The following CELF1 variants were observed in gnomAD, a reference collection of about 807,000 sequenced individuals.
CELF1 encodes the protein 50 kDa nuclear polyadenylated RNA-binding protein.
CELF1 carries 10 observed loss-of-function variants against 61.8 expected under a neutral mutation model. The ratio of observed to expected loss-of-function variants is 0.16; its 90% CI spans 0.10 to 0.27. The LOEUF is 0.27. CELF1 is among the 10% of genes least tolerant of loss of function. The probability of loss-of-function intolerance (pLI) is 1.00; values close to 1 mark genes in which losing one functional copy is unlikely to be tolerated. For missense variants in CELF1, 380 were observed against 639.1 expected (o/e 0.59, Z 4.37); for synonymous variants, 236 against 225.1 (o/e 1.05, Z -0.43).
At chr11:47,552,658 G>C (rs925033922) in intron 1 of CELF1, among the ~76,000 whole-genome samples, 4 of 152,346 alleles carry the variant, frequency 2.6e-5, no homozygotes, top group Admixed American at 1.3e-4. Context: ...CGAGGAAAAC[G>C]GAGCTGGCCC....
chr11:47,485,969 GGC>G (rs1462967006), intron 6 of CELF1, among the ~76,000 whole-genome samples: 6 of 148,310 alleles, frequency 4.0e-5, no homozygotes, highest in Non-Finnish European at 6.0e-5. Flanking sequence ...AGACCATCCT[GGC>G]TAACACAGTG....
chr11:47,540,285 T>G (rs7940413), intron 1 of CELF1, among the ~76,000 whole-genome samples: 151,570 of 152,318 alleles, frequency 1, 75,419 homozygotes, highest in Middle Eastern at 1. Context: ...ATCATGAGCA[T>G]GGAGGGGCTG....
rs1337098295 is a variant in CELF1, at chr11:47,473,169, G to A, written c.1336C>T (p.Leu446=). ...LPQEFGDQDL[L]QMFMPFGNVV... is the part of the protein sequence containing the mutation. ...TTCCCAAAGGGCATAAACATCTGCA[G>A]CAGGTCCTGATCACCAAACTCCTGG... The change falls in exon 14 of 15, where the codon CTG becomes TTG. Residue 446 remains leucine (L), a synonymous_variant. Coordinates refer to ENST00000687097, the MANE Select transcript of CELF1 (RefSeq NM_001376376.1). 1 of 1,614,178 alleles carries A rather than the reference G, an allele frequency of 6.2e-7. No individual in the cohort carries two copies. Among genetic ancestry groups the A allele is most frequent in the South Asian group, 1.1e-5 (1 of 91,090 alleles).
intron 1 of CELF1, among the ~76,000 whole-genome samples, chr11:47,511,178 C>T (rs2095126168): frequency 2.6e-5 from 4 of 152,170 alleles, no homozygotes; most frequent in South Asian, 4.2e-4. Flanking sequence ...AGAGCAAGAT[C>T]GTCTCAAAAA....
chr11:47,530,749 G>GT (rs199701466), intron 1 of CELF1, among the ~76,000 whole-genome samples: 2,121 of 152,206 alleles, frequency 0.014, 48 homozygotes, highest in African/African-American at 0.048. Flanking sequence ...GAGACCAGGA[G>GT]TTTAAGACCA....
chr11:47,488,312 T>C (rs1268163609), intron 4 of CELF1, among the ~76,000 whole-genome samples: 1 of 152,236 alleles, frequency 6.6e-6, no homozygotes, highest in Non-Finnish European at 1.5e-5. Context: ...GTTCACTTTG[T>C]GGCAACAGCA....
At chr11:47,550,725 A>T (rs1371045511) in intron 1 of CELF1, among the ~76,000 whole-genome samples, 1 of 152,048 alleles carries the variant, frequency 6.6e-6, no homozygotes, top group South Asian at 2.1e-4. Context: ...CTTCTGTATT[A>T]AGAAAAATAC....
chr11:47,518,332 G>A (rs1302478876), intron 1 of CELF1, among the ~76,000 whole-genome samples: 1 of 152,198 alleles, frequency 6.6e-6, no homozygotes, highest in Non-Finnish European at 1.5e-5. Flanking sequence ...TCACTCAGCT[G>A]TATAGCTATA....
At chr11:47,496,056 G>C in intron 3 of CELF1, 1 of 942,118 alleles carries the variant, frequency 1.1e-6, no homozygotes. Context: ...GGAAAAACTG[G>C]AACAGAAGTG....
At chr11:47,511,757 A>T (rs921805764) in intron 1 of CELF1, among the ~76,000 whole-genome samples, 11 of 152,206 alleles carry the variant, frequency 7.2e-5, no homozygotes, top group African/African-American at 2.2e-4. Context: ...GATCCGGGCT[A>T]AGAAGGCTGC....
intron 1 of CELF1, among the ~76,000 whole-genome samples, chr11:47,536,579 T>A (rs1025678503): frequency 1.3e-5 from 2 of 152,008 alleles, no homozygotes; most frequent in Non-Finnish European, 2.9e-5. Flanking sequence ...CTAGCCAACA[T>A]GGCGAAAACC....
At chr11:47,539,079 T>C (rs1050865414) in intron 1 of CELF1, among the ~76,000 whole-genome samples, 5 of 152,112 alleles carry the variant, frequency 3.3e-5, no homozygotes, top group African/African-American at 1.2e-4. Flanking sequence ...TAACTAGAAA[T>C]GAAGAAAAGA....
At chr11:47,532,035 ATTTT>A (rs565261366) in intron 1 of CELF1, among the ~76,000 whole-genome samples, 2 of 145,006 alleles carry the variant, frequency 1.4e-5, no homozygotes, top group Non-Finnish European at 3.1e-5. Context: ...TCTTATTTTT[ATTTT>A]TTTTTTTTTG....
At chr11:47,486,320 T>C (rs912383037) in intron 6 of CELF1, among the ~76,000 whole-genome samples, 12 of 151,912 alleles carry the variant, frequency 7.9e-5, no homozygotes, top group Admixed American at 2.0e-4. Flanking sequence ...TCATCATACT[T>C]TTAAAGAAAA....
chr11:47,496,997 C>T (rs1007691511), intron 3 of CELF1, among the ~76,000 whole-genome samples: 8 of 152,140 alleles, frequency 5.3e-5, no homozygotes, highest in Non-Finnish European at 1.2e-4. Flanking sequence ...TAAACTAGTA[C>T]CTAAGATTAG....
chr11:47,518,432 T>C (rs1270596514), intron 1 of CELF1, among the ~76,000 whole-genome samples: 2 of 152,244 alleles, frequency 1.3e-5, no homozygotes, highest in African/African-American at 4.8e-5. Flanking sequence ...TGAGATAATA[T>C]GTCAAAACAA....
chr11:47,560,100 G>A (rs533677843), intron 2 of CELF1, among the ~76,000 whole-genome samples: 242 of 152,034 alleles, frequency 1.6e-3, no homozygotes, highest in African/African-American at 5.6e-3. Context: ...AGGAGTTCAA[G>A]AGCAGCCTGG....
At chr11:47,481,034 A>AT (rs1482916235) in intron 9 of CELF1, among the ~76,000 whole-genome samples, 2 of 128,110 alleles carry the variant, frequency 1.6e-5, no homozygotes, top group Non-Finnish European at 3.3e-5. Flanking sequence ...AACTCTTTAT[A>AT]TTTTTTTAAA....
At chr11:47,493,866 C>A (rs1000927006) in intron 3 of CELF1, among the ~76,000 whole-genome samples, 2 of 152,198 alleles carry the variant, frequency 1.3e-5, no homozygotes, top group African/African-American at 4.8e-5. Context: ...AAACAACACT[C>A]TCCCTCTTCC....
Sources: gnomAD v4.1 joint callset for allele counts (sites outside exome capture counted in the v4.1 genomes callset) on GRCh38, gnomAD v4.1.1 for gene constraint, MANE v1.5 for transcripts, NCBI Gene and HGNC (gene_info 2026-07-23, HGNC 2026-07-21) for gene names.